GRID2: variants seen among roughly 807,000 people sequenced by gnomAD.
GRID2 encodes the protein glutamate receptor ionotropic, delta-2.
In GRID2, 33 loss-of-function variants were observed where a neutral mutation model predicts 114.8. That is an observed-to-expected ratio of 0.29 (90% CI 0.22 to 0.38). The LOEUF (loss-of-function observed/expected upper bound fraction) is 0.38. Ranked by LOEUF, GRID2 falls within the 10% of genes least tolerant of loss-of-function variation. The probability of loss-of-function intolerance (pLI) is 1.00; values close to 1 mark genes in which losing one functional copy is unlikely to be tolerated. For synonymous variants in GRID2, 505 were observed against 449.9 expected (o/e 1.12, Z -1.55); for missense variants, 1,184 against 1,257.7 (o/e 0.94, Z 0.89).
chr4:92,934,507 T>C (rs1313112013), intron 2 of GRID2, among the ~76,000 whole-genome samples: 2 of 146,426 alleles, frequency 1.4e-5, no homozygotes, highest in Non-Finnish European at 3.0e-5. Context: ...AAGCTACCAA[T>C]GACTTTCTTC....
Position 93,515,308 on chromosome 4 carries a change from A to G in GRID2, c.2090A>G (p.Asn697Ser). 1.2e-6 allele frequency: 2 copies of G among 1,607,758 alleles called. No individual in the cohort carries two copies. Among genetic ancestry groups the G allele is most frequent in the Non-Finnish European group, 1.7e-6 (2 of 1,174,332 alleles). ...GAGCATGTCCGCATGAAAGGACTGA[A>G]TCCTTTTGAGAGGGACAGCATGTAT... ...VYEHVRMKGL[N>S]PFERDSMYSQ... The change falls in exon 13 of 16, where the codon AAT becomes AGT. Residue 697 changes from asparagine to serine, a missense_variant. Asn to Ser is a conservative substitution (Grantham distance 46). Around this residue, in one of 3 missense-constraint regions of GRID2, gnomAD observed 717 missense variants for 796.9 expected, o/e 0.90. Transcript: ENST00000282020.
intron 11 of GRID2, among the ~76,000 whole-genome samples, chr4:93,468,529 G>C (rs758174848): frequency 6.6e-6 from 1 of 152,200 alleles, no homozygotes; most frequent in South Asian, 2.1e-4. Context: ...AAATCCTGAA[G>C]GATAGGAAGG....
intron 1 of GRID2, among the ~76,000 whole-genome samples, chr4:92,505,334 A>G (rs1329745741): frequency 6.6e-6 from 1 of 152,054 alleles, no homozygotes; most frequent in African/African-American, 2.4e-5. Context: ...CTGCTGACAA[A>G]AAGGCAAAAT....
intron 2 of GRID2, among the ~76,000 whole-genome samples, chr4:92,752,755 A>G (rs1201423090): frequency 6.6e-6 from 1 of 152,156 alleles, no homozygotes; most frequent in Non-Finnish European, 1.5e-5. Context: ...AAATATATAT[A>G]TTGTGGCAAG....
chr4:93,220,540 G>A (rs899042253), intron 6 of GRID2, among the ~76,000 whole-genome samples: 9 of 152,046 alleles, frequency 5.9e-5, no homozygotes, highest in Admixed American at 5.9e-4. Flanking sequence ...CAAATTATTT[G>A]CCAATTAAAC....
intron 2 of GRID2, among the ~76,000 whole-genome samples, chr4:92,602,963 G>T (rs560712073): frequency 1.3e-5 from 2 of 152,144 alleles, no homozygotes; most frequent in African/African-American, 2.4e-5. Flanking sequence ...GCTACAAAAT[G>T]AATAAAATAC....
chr4:92,982,433 TA>T (rs927424341), intron 2 of GRID2, among the ~76,000 whole-genome samples: 4 of 152,112 alleles, frequency 2.6e-5, no homozygotes, highest in African/African-American at 9.7e-5. Flanking sequence ...TTTGAGTGAT[TA>T]AAAATTACTC....
chr4:92,433,022 G>T (rs1037374073), intron 1 of GRID2, among the ~76,000 whole-genome samples: 1 of 152,102 alleles, frequency 6.6e-6, no homozygotes, highest in Non-Finnish European at 1.5e-5. Context: ...TTTGTTCAGG[G>T]TGTGTCTAGA....
rs1486233128 is a variant in GRID2, at chr4:93,075,222, T to C, written c.245-9773T>C. Among the ~76,000 whole-genome samples the C allele has an allele frequency of 2.0e-5, 3 of 152,182 alleles. No individual in the cohort carries two copies. The East Asian group carries it at 5.8e-4, about 29-fold the overall frequency. On this transcript the variant is annotated intron_variant, in intron 2 of 15. Transcript: ENST00000282020. ...AAAACCATATGGTTATCTCAATAGATGCAGAAAAAACTTCCAATAAAATCT... is the reference window on the plus strand; with the variant it reads ...AAAACCATATGGTTATCTCAATAGACGCAGAAAAAACTTCCAATAAAATCT...
At chr4:92,495,593 A>G (rs2149117933) in intron 1 of GRID2, among the ~76,000 whole-genome samples, 1 of 152,056 alleles carries the variant, frequency 6.6e-6, no homozygotes, top group Non-Finnish European at 1.5e-5. Flanking sequence ...GCAAGATTGA[A>G]TGAGATCCGG....
intron 8 of GRID2, among the ~76,000 whole-genome samples, chr4:93,255,116 T>TA (rs1376357399): frequency 6.6e-6 from 1 of 152,172 alleles, no homozygotes; most frequent in Non-Finnish European, 1.5e-5. Flanking sequence ...GTATCTACTT[T>TA]AAAAAATAAA....
intron 14 of GRID2, among the ~76,000 whole-genome samples, chr4:93,689,520 C>G (rs1260291765): frequency 6.6e-6 from 1 of 151,936 alleles, no homozygotes; most frequent in Non-Finnish European, 1.5e-5. Context: ...CTTCCTTGAA[C>G]TGGAGAAATG....
intron 1 of GRID2, among the ~76,000 whole-genome samples, chr4:92,563,239 T>G (rs1025590857): frequency 6.6e-6 from 1 of 152,174 alleles, no homozygotes; most frequent in African/African-American, 2.4e-5. Flanking sequence ...TTTAGAAAGT[T>G]TGGAAAGTGA....
intron 2 of GRID2, among the ~76,000 whole-genome samples, chr4:92,954,260 C>CAT (rs960736255): frequency 5.3e-5 from 8 of 152,080 alleles, no homozygotes; most frequent in African/African-American, 1.9e-4. Flanking sequence ...CACATACACA[C>CAT]ATATATATAC....
intron 2 of GRID2, among the ~76,000 whole-genome samples, chr4:92,903,894 G>C (rs1392124579): frequency 6.6e-6 from 1 of 151,872 alleles, no homozygotes; most frequent in Non-Finnish European, 1.5e-5. Context: ...GTAAACAATG[G>C]GAGGGTGTTG....
intron 8 of GRID2, among the ~76,000 whole-genome samples, chr4:93,370,405 ACACACACAAACACACACAAACACG>A (rs1295375619): frequency 4.0e-5 from 6 of 150,336 alleles, no homozygotes; most frequent in Non-Finnish European, 8.9e-5. Context: ...ACACAAACAC[ACACACACAAACACACACAAACACG>A]CACACACAGG....
chr4:92,999,324 G>A lies in GRID2; in HGVS notation c.245-85671G>A, dbSNP rs913909899. Reference sequence around the variant, plus strand: ...CAAACATTTGTCAGAGGCTTACAAAGTAAAGTAACCAATTTTCCCAGTTTG... The same window carrying A: ...CAAACATTTGTCAGAGGCTTACAAAATAAAGTAACCAATTTTCCCAGTTTG... On this transcript the variant is annotated intron_variant, in intron 2 of 15. Transcript: ENST00000282020. Among the ~76,000 whole-genome samples the A allele has an allele frequency of 2.0e-5, 3 of 151,684 alleles. No homozygotes were observed. In the Admixed American group the frequency reaches 2.0e-4, roughly 10 times the overall value.
chr4:92,792,456 AACACACACACACACACACAC>A lies in GRID2; in HGVS notation c.244+202199_244+202218del, dbSNP rs35204445. Among the ~76,000 whole-genome samples, 37 of 136,180 alleles carry A rather than the reference AACACACACACACACACACAC, an allele frequency of 2.7e-4. 1 individual carries two copies. The South Asian group carries it at 7.7e-3, about 28-fold the overall frequency. The allele number at this position is 136,180 out of a possible 152,430, so 89.3% of individuals were successfully genotyped here. Reference sequence around the variant, plus strand: ...AAATGATTTTATTAGCAGGCAAGAGAACACACACACACACACACACACACACACACACACACACACACACA... The same window carrying A: ...AAATGATTTTATTAGCAGGCAAGAGAACACACACACACACACACACACACA... On this transcript the variant is annotated intron_variant, in intron 2 of 15. Coordinates refer to ENST00000282020, the MANE Select transcript of GRID2 (RefSeq NM_001510.4).
intron 2 of GRID2, among the ~76,000 whole-genome samples, chr4:92,994,606 G>A (rs1272222721): frequency 6.6e-6 from 1 of 152,120 alleles, no homozygotes; most frequent in South Asian, 2.1e-4. Flanking sequence ...TTACAGGCAT[G>A]AGCCACCATG....
Sources: gnomAD v4.1 joint callset for allele counts (sites outside exome capture counted in the v4.1 genomes callset) on GRCh38, gnomAD v4.1.1 for gene constraint, gnomAD v4.1.1 regional missense constraint, MANE v1.5 for transcripts, NCBI Gene and HGNC (gene_info 2026-07-23, HGNC 2026-07-21) for gene names.